Variants in RAP1GDS1 observed in about 807,000 individuals in gnomAD.
The protein encoded by RAP1GDS1 is Rap1 GTPase-GDP dissociation stimulator 1, also known as RAP1, GTP-GDP dissociation stimulator 1.
In RAP1GDS1, 35 loss-of-function variants were observed where a neutral mutation model predicts 71.1. The ratio of observed to expected loss-of-function variants is 0.49; its 90% CI spans 0.38 to 0.65. RAP1GDS1 has a LOEUF of 0.65. RAP1GDS1 is among the 30% of genes least tolerant of loss of function. The pLI is 0.00. For missense variants in RAP1GDS1, 663 were observed against 706.1 expected, an observed-to-expected ratio of 0.94 and a Z score of 0.69; for synonymous variants, 229 against 243.1, an observed-to-expected ratio of 0.94 and a Z score of 0.54.
chr4:98,312,958 G>A (rs1216326662), intron 2 of RAP1GDS1, among the ~76,000 whole-genome samples: 1 of 149,876 alleles, frequency 6.7e-6, no homozygotes, highest in Non-Finnish European at 1.5e-5. Context: ...AGTCCCAGCT[G>A]CTCTGGAGAC....
chr4:98,407,483 AC>A (rs1364383146), intron 7 of RAP1GDS1, among the ~76,000 whole-genome samples: 4 of 152,192 alleles, frequency 2.6e-5, no homozygotes, highest in Non-Finnish European at 5.9e-5. Flanking sequence ...ACACACACAC[AC>A]ACACACAACA....
At chr4:98,418,444 G>A (rs1171123897) in intron 9 of RAP1GDS1, among the ~76,000 whole-genome samples, 2 of 151,994 alleles carry the variant, frequency 1.3e-5, no homozygotes, top group Admixed American at 6.6e-5. Flanking sequence ...GTAATTTTCT[G>A]ATTTTAAAAC....
chr4:98,407,620 G>A lies in RAP1GDS1; in HGVS notation c.763+3018G>A, dbSNP rs552988708. On this transcript the variant is annotated intron_variant, in intron 7 of 14. Coordinates refer to ENST00000408927, the MANE Select transcript of RAP1GDS1 (RefSeq NM_001100427.2). Reference sequence around the variant, plus strand: ...ACCTATTCTCACAAGTGGCAGCTACGCTATGTGTACACAAAGGCATAGAGA... The same window carrying A: ...ACCTATTCTCACAAGTGGCAGCTACACTATGTGTACACAAAGGCATAGAGA... Among the ~76,000 whole-genome samples the A allele has an allele frequency of 3.9e-5, 6 of 152,212 alleles. No homozygotes were observed. In the East Asian group the frequency reaches 5.8e-4, roughly 15 times the overall value.
intron 12 of RAP1GDS1, among the ~76,000 whole-genome samples, chr4:98,431,320 A>C (rs1320430261): frequency 6.6e-6 from 1 of 152,222 alleles, no homozygotes; most frequent in African/African-American, 2.4e-5. Flanking sequence ...AATCTTATAA[A>C]ATTACCTCAA....
In RAP1GDS1 at chr4:98,314,952, C is replaced by G. The variant is rs572300861; in HGVS notation, c.112+21437C>G. Among the ~76,000 whole-genome samples the G allele has an allele frequency of 1.4e-4, 21 of 152,222 alleles. No individual in the cohort carries two copies. In the South Asian group the frequency reaches 4.4e-3, roughly 32 times the overall value. The stretch of plus-strand genomic sequence containing the variant: ...CAGTCATCTACTTTTTACAGCTTCT[C>G]AATACTGGTAGCCTTCAGCTGTTGG... On this transcript the variant is annotated intron_variant, in intron 2 of 14. Transcript: ENST00000408927.
At chr4:98,428,711 G>A (rs1749971237) in intron 12 of RAP1GDS1, among the ~76,000 whole-genome samples, 1 of 152,166 alleles carries the variant, frequency 6.6e-6, no homozygotes, top group Non-Finnish European at 1.5e-5. Context: ...CATGGATGCA[G>A]TGAATAGGGA....
At chr4:98,317,841 C>T (rs1170502694) in intron 2 of RAP1GDS1, among the ~76,000 whole-genome samples, 16 of 142,646 alleles carry the variant, frequency 1.1e-4, no homozygotes, top group Middle Eastern at 3.6e-3. Context: ...TTTTTCTTTT[C>T]TTCTCTTTTT....
chr4:98,430,932 G>A (rs756039155), intron 12 of RAP1GDS1, among the ~76,000 whole-genome samples: 1 of 152,170 alleles, frequency 6.6e-6, no homozygotes, highest in Non-Finnish European at 1.5e-5. Flanking sequence ...ACTTTGCAGT[G>A]TATTCCTGTG....
chr4:98,378,716 G>C (rs1270960501), intron 4 of RAP1GDS1, among the ~76,000 whole-genome samples: 3 of 151,796 alleles, frequency 2.0e-5, no homozygotes, highest in African/African-American at 7.3e-5. Context: ...TTGTGAAAGA[G>C]GGAGTGAAAG....
chr4:98,309,730 A>C (rs1333521647), intron 2 of RAP1GDS1, among the ~76,000 whole-genome samples: 2 of 151,968 alleles, frequency 1.3e-5, no homozygotes, highest in East Asian at 3.8e-4. Flanking sequence ...TCTATTTGCT[A>C]TACAAGAGTA....
At chr4:98,434,224 C>G (rs1337774640) in intron 13 of RAP1GDS1, among the ~76,000 whole-genome samples, 162 bp downstream of exon 13, 2 of 152,158 alleles carry the variant, frequency 1.3e-5, no homozygotes, top group African/African-American at 4.8e-5. Flanking sequence ...TAGATTGTTA[C>G]AGCTGTCCCC....
At chr4:98,335,995 T>C (rs1437116090) in intron 2 of RAP1GDS1, among the ~76,000 whole-genome samples, 1 of 152,158 alleles carries the variant, frequency 6.6e-6, no homozygotes, top group Non-Finnish European at 1.5e-5. Context: ...CATTAGCAAA[T>C]TGACGACTTC....
chr4:98,381,868 TCCA>T (rs1560933060), intron 5 of RAP1GDS1, among the ~76,000 whole-genome samples: 1 of 151,516 alleles, frequency 6.6e-6, no homozygotes, highest in Admixed American at 6.6e-5. Flanking sequence ...GTCACAAAAA[TCCA>T]CCAACATAGT....
intron 3 of RAP1GDS1, among the ~76,000 whole-genome samples, chr4:98,344,512 G>T (rs1221873847): frequency 6.6e-6 from 1 of 151,958 alleles, no homozygotes; most frequent in Non-Finnish European, 1.5e-5. Flanking sequence ...ACAGATTTTT[G>T]TGAAATGGAT....
chr4:98,419,599 T>C (rs568174657), intron 10 of RAP1GDS1, among the ~76,000 whole-genome samples: 5 of 152,214 alleles, frequency 3.3e-5, no homozygotes, highest in African/African-American at 4.8e-5. Context: ...TACATGATGA[T>C]CCAATCCATT....
intron 12 of RAP1GDS1, among the ~76,000 whole-genome samples, chr4:98,428,790 TG>T (rs1162573799): frequency 2.0e-5 from 3 of 152,180 alleles, no homozygotes; most frequent in African/African-American, 7.2e-5. Flanking sequence ...GGAGATTCCT[TG>T]AAGAACTAAA....
chr4:98,362,519 C>G (rs1738889942), intron 4 of RAP1GDS1, among the ~76,000 whole-genome samples: 1 of 151,946 alleles, frequency 6.6e-6, no homozygotes, highest in Admixed American at 6.6e-5. Flanking sequence ...ATTACCATTT[C>G]CCTGCTCCAG....
chr4:98,313,440 G>C (rs1462010678), intron 2 of RAP1GDS1, among the ~76,000 whole-genome samples: 4 of 152,210 alleles, frequency 2.6e-5, no homozygotes, highest in African/African-American at 9.6e-5. Context: ...TTAACCATCA[G>C]AAGTGGAATA....
At chr4:98,406,332 A>G (rs1347493095) in intron 7 of RAP1GDS1, among the ~76,000 whole-genome samples, 1 of 152,014 alleles carries the variant, frequency 6.6e-6, no homozygotes, top group Non-Finnish European at 1.5e-5. Context: ...GATTTAAAAG[A>G]TTGAGAATAA....
Sources: gnomAD v4.1 joint callset for allele counts (sites outside exome capture counted in the v4.1 genomes callset) on GRCh38, gnomAD v4.1.1 for gene constraint, MANE v1.5 for transcripts, NCBI Gene and HGNC (gene_info 2026-07-23, HGNC 2026-07-21) for gene names.